MCPH1: variants seen among roughly 807,000 people sequenced by gnomAD.
MCPH1 encodes microcephalin 1, also known as microcephalin.
Under a neutral mutation model 84.5 loss-of-function variants are expected in MCPH1, and 104 were observed. That is an observed-to-expected ratio of 1.23 (90% CI 1.05 to 1.45). MCPH1 has a LOEUF of 1.45. MCPH1 is among the 40% of genes most tolerant of loss of function. The pLI, the probability that MCPH1 is intolerant of heterozygous loss-of-function variation, is 0.00. For synonymous variants in MCPH1, 514 were observed against 366.8 expected, an observed-to-expected ratio of 1.40 and a Z score of -4.58; for missense variants, 1,498 against 1,005.7, an observed-to-expected ratio of 1.49 and a Z score of -6.62.
rs369676619 is a variant in MCPH1 at position 6,412,477 on chromosome 8, C to T, written c.115-2288C>T. On this transcript the variant is annotated intron_variant, in intron 2 of 13. Coordinates refer to ENST00000344683, the MANE Select transcript of MCPH1 (RefSeq NM_024596.5). ...TCGTAAGATTTGGATATTTGTAGTA[C>T]TCGTAATCCGGGATTATCTTAAGCC... is the stretch of plus-strand genomic sequence containing the variant. 3.3e-4 allele frequency among the ~76,000 whole-genome samples: 51 copies of T among 152,294 alleles called. No individual in the cohort carries two copies. The South Asian group carries it at 8.3e-3, about 25-fold the overall frequency.
chr8:6,525,362 A>G (rs911999229), intron 12 of MCPH1, among the ~76,000 whole-genome samples: 4 of 152,036 alleles, frequency 2.6e-5, no homozygotes, highest in African/African-American at 9.7e-5. Context: ...TCCAAATAGG[A>G]GGGATTACAG....
intron 13 of MCPH1, 74 bp from the exon 14 acceptor site, chr8:6,642,920 T>C: frequency 7.3e-7 from 1 of 1,368,746 alleles, no homozygotes; most frequent in Non-Finnish European, 1.0e-6. Flanking sequence ...GTTTCATGTA[T>C]ATACAAACAG....
intron 9 of MCPH1, among the ~76,000 whole-genome samples, chr8:6,466,643 T>G (rs1033256171): frequency 3.3e-4 from 50 of 151,856 alleles, no homozygotes; most frequent in African/African-American, 1.2e-3. Context: ...GGTTTCACCG[T>G]GTTGGCCAGG....
At chr8:6,439,118 T>A (rs1202291874) in intron 6 of MCPH1, 22 bp downstream of exon 6, 4 of 1,608,024 alleles carry the variant, frequency 2.5e-6, no homozygotes, top group Non-Finnish European at 2.6e-6. Flanking sequence ...GTTTGTAAAA[T>A]GAAAATTATG....
intron 13 of MCPH1, chr8:6,625,575 A>G (rs976435946): frequency 1.1e-5 from 11 of 984,668 alleles, no homozygotes; most frequent in Admixed American, 6.2e-5. Context: ...TCAAAAAAAA[A>G]TCAATTAAAT....
chr8:6,554,620 T>C (rs1824268508), intron 12 of MCPH1, among the ~76,000 whole-genome samples: 2 of 152,264 alleles, frequency 1.3e-5, no homozygotes. Flanking sequence ...ATATCAACTA[T>C]GAATATTTTG....
Position 6,453,544 on chromosome 8 carries a change from C to A in MCPH1, c.1826-1599C>A, listed in dbSNP as rs115579842. Among the ~76,000 whole-genome samples, 1,234 of 152,182 alleles carry A rather than the reference C, an allele frequency of 8.1e-3. 19 individuals are homozygous for A. Among genetic ancestry groups the A allele is most frequent in the African/African-American group, 0.028 (1,158 of 41,504 alleles). On this transcript the variant is annotated intron_variant, in intron 8 of 13. Coordinates refer to ENST00000344683, the MANE Select transcript of MCPH1 (RefSeq NM_024596.5). ...GCTATTATAAAACTTTTATTGAATACACTAGGAAGCTGCAAATTTATTCAT... is the reference window on the plus strand; with the variant it reads ...GCTATTATAAAACTTTTATTGAATAAACTAGGAAGCTGCAAATTTATTCAT...
chr8:6,462,957 C>T (rs1806448040), intron 9 of MCPH1, among the ~76,000 whole-genome samples: 1 of 152,196 alleles, frequency 6.6e-6, no homozygotes, highest in Non-Finnish European at 1.5e-5. Flanking sequence ...TCTTTGCCCA[C>T]TCCCAGAGAC....
At chr8:6,614,294 G>T (rs1830582606) in intron 12 of MCPH1, among the ~76,000 whole-genome samples, 1 of 152,198 alleles carries the variant, frequency 6.6e-6, no homozygotes, top group Non-Finnish European at 1.5e-5. Flanking sequence ...AGACGGTCAG[G>T]TGCCCCAGGT....
intron 12 of MCPH1, among the ~76,000 whole-genome samples, chr8:6,518,327 A>G (rs1816688827): frequency 6.6e-6 from 1 of 152,206 alleles, no homozygotes; most frequent in Non-Finnish European, 1.5e-5. Context: ...AGATAGCAAA[A>G]GAGATTGAAA....
Position 6,621,612 on chromosome 8 carries a change from C to T in MCPH1, c.2373C>T (p.Arg791=). 1 of 1,614,238 alleles carries T rather than the reference C, an allele frequency of 6.2e-7. No homozygotes were observed. The highest frequency in any genetic ancestry group is 8.5e-7 in the Non-Finnish European group (1 of 1,180,040). Residue 791 remains arginine (R), a synonymous_variant, in exon 13 of 14, where the codon CGC becomes CGT. Transcript: ENST00000344683. ...LCGGRVSQVP[R]QASIVIGPYS... Reference sequence around the variant, plus strand: ...GAGGCCGGGTCAGCCAAGTCCCCCGCCAGGCCAGCATCGTCATCGGGCCCT... The same window carrying T: ...GAGGCCGGGTCAGCCAAGTCCCCCGTCAGGCCAGCATCGTCATCGGGCCCT...
intron 12 of MCPH1, among the ~76,000 whole-genome samples, chr8:6,608,731 T>G (rs1290003942): frequency 6.6e-6 from 1 of 152,222 alleles, no homozygotes; most frequent in Non-Finnish European, 1.5e-5. Context: ...GCAACTGGAA[T>G]TGTTTCAAAC....
intron 12 of MCPH1, among the ~76,000 whole-genome samples, chr8:6,604,402 T>G (rs988439356): frequency 3.3e-5 from 5 of 152,264 alleles, no homozygotes; most frequent in Non-Finnish European, 7.3e-5. Context: ...TGATGAATTT[T>G]TAAAATTAAA....
chr8:6,516,275 C>G (rs919353683), intron 12 of MCPH1, among the ~76,000 whole-genome samples: 2 of 152,188 alleles, frequency 1.3e-5, no homozygotes, highest in African/African-American at 4.8e-5. Flanking sequence ...AAGTACTCTG[C>G]CAGATACTTT....
At chr8:6,542,865 G>A (rs1054757621) in intron 12 of MCPH1, among the ~76,000 whole-genome samples, 1 of 152,132 alleles carries the variant, frequency 6.6e-6, no homozygotes, top group Non-Finnish European at 1.5e-5. Flanking sequence ...CTAGAAAAGG[G>A]AAAAGGCTAG....
chr8:6,414,785 A>G lies in MCPH1; in HGVS notation c.135A>G (p.Lys45=), dbSNP rs374363568. Residue 45 remains lysine, a synonymous_variant, in exon 3 of 14, where the codon AAA becomes AAG. Transcript: ENST00000344683. The part of the protein sequence containing the change: ...MGAKVSKTFN[K]QVTHVIFKDG... ...TACAGGTTTCAAAAACTTTTAACAA[A>G]CAAGTAACTCACGTTATCTTCAAAG... 1.9e-6 allele frequency: 3 copies of G among 1,613,918 alleles called. No individual in the cohort carries two copies. The highest frequency in any genetic ancestry group is 2.2e-5 in the South Asian group (2 of 91,054).
chr8:6,495,536 A>G (rs1811129919), intron 11 of MCPH1, among the ~76,000 whole-genome samples: 1 of 152,254 alleles, frequency 6.6e-6, no homozygotes, highest in Non-Finnish European at 1.5e-5. Flanking sequence ...CTACTAAGAC[A>G]AAGGATCTAT....
intron 12 of MCPH1, among the ~76,000 whole-genome samples, chr8:6,608,665 G>C (rs1829988188): frequency 6.6e-6 from 1 of 152,138 alleles, no homozygotes; most frequent in Non-Finnish European, 1.5e-5. Flanking sequence ...TGTCACTCCT[G>C]CTACTCTGGC....
intron 5 of MCPH1, 84 bp from the exon 6 acceptor site, chr8:6,438,869 G>T: frequency 7.8e-7 from 1 of 1,274,266 alleles, no homozygotes; most frequent in Non-Finnish European, 1.1e-6. Flanking sequence ...ACGGGGTGTG[G>T]GGGGTTGTTC....
Sources: gnomAD v4.1 joint callset for allele counts (sites outside exome capture counted in the v4.1 genomes callset) on GRCh38, gnomAD v4.1.1 for gene constraint, MANE v1.5 for transcripts, NCBI Gene and HGNC (gene_info 2026-07-23, HGNC 2026-07-21) for gene names.